HS6ST3: variants seen among roughly 807,000 people sequenced by gnomAD.
HS6ST3 encodes the protein heparan sulfate 6-O-sulfotransferase 3, also known as heparan-sulfate 6-O-sulfotransferase 3.
A neutral mutation model predicts 36.7 loss-of-function variants in HS6ST3; 12 were observed. The observed-to-expected ratio is 0.33, with a 90% CI of 0.21 to 0.53. The LOEUF (loss-of-function observed/expected upper bound fraction) is 0.53. HS6ST3 is among the 20% of genes least tolerant of loss of function. The probability of loss-of-function intolerance (pLI) is 0.95; values close to 1 mark genes in which losing one functional copy is unlikely to be tolerated. For missense variants in HS6ST3, 584 were observed against 640.9 expected, an observed-to-expected ratio of 0.91 and a Z score of 0.96; for synonymous variants, 240 against 257.5, an observed-to-expected ratio of 0.93 and a Z score of 0.65.
At chr13:96,246,599 C>G (rs766053425) in intron 1 of HS6ST3, among the ~76,000 whole-genome samples, 3 of 152,114 alleles carry the variant, frequency 2.0e-5, no homozygotes, top group Non-Finnish European at 2.9e-5. Context: ...AAATATTTGC[C>G]AGAGAAACTG....
In HS6ST3 at chr13:96,448,656, A is replaced by G. The variant is rs1031896073; in HGVS notation, c.707+357087A>G. Among the ~76,000 whole-genome samples the G allele has an allele frequency of 3.3e-5, 5 of 152,114 alleles. No individual in the cohort carries two copies. The East Asian group carries it at 5.8e-4, about 18-fold the overall frequency. On this transcript the variant is annotated intron_variant, in intron 1 of 1. Coordinates refer to ENST00000376705, the MANE Select transcript of HS6ST3 (RefSeq NM_153456.4). ...TTTTTTCCTTGTCTAATACCCCTGCAATTTCTCTTCCTCCTCATCCGCTTG... is the reference window on the plus strand; with the variant it reads ...TTTTTTCCTTGTCTAATACCCCTGCGATTTCTCTTCCTCCTCATCCGCTTG...
intron 1 of HS6ST3, among the ~76,000 whole-genome samples, chr13:96,093,831 A>G (rs1453502527): frequency 1.3e-5 from 2 of 152,192 alleles, no homozygotes; most frequent in Non-Finnish European, 2.9e-5. Context: ...ATGTCTGTGT[A>G]CAGCATTCTA....
intron 1 of HS6ST3, among the ~76,000 whole-genome samples, chr13:96,509,126 A>G (rs765786728): frequency 2.6e-5 from 4 of 152,008 alleles, no homozygotes; most frequent in South Asian, 4.1e-4. Context: ...GTTTTTTCAT[A>G]TCGTTATTGG....
At chr13:96,391,134 A>G (rs548383657) in intron 1 of HS6ST3, among the ~76,000 whole-genome samples, 4 of 152,254 alleles carry the variant, frequency 2.6e-5, no homozygotes, top group African/African-American at 7.2e-5. Flanking sequence ...TAGTCTGGCA[A>G]ATACCTTCAT....
Position 96,624,852 on chromosome 13 carries a change from A to G in HS6ST3, c.708-207638A>G, listed in dbSNP as rs78685524. Among the ~76,000 whole-genome samples the G allele has an allele frequency of 2.4e-3, 365 of 152,230 alleles. 3 individuals carry two copies. The East Asian group carries it at 0.038, about 16-fold the overall frequency. ...TATAACACAATTTTTGATTCATTCT[A>G]TTGTTAATTTTTTTTCCAATTTGGG... On this transcript the variant is annotated intron_variant, in intron 1 of 1. Coordinates refer to ENST00000376705, the MANE Select transcript of HS6ST3 (RefSeq NM_153456.4).
intron 1 of HS6ST3, among the ~76,000 whole-genome samples, chr13:96,542,823 T>G (rs1230863798): frequency 6.6e-6 from 1 of 152,158 alleles, no homozygotes; most frequent in African/African-American, 2.4e-5. Flanking sequence ...TCTGCCACTT[T>G]CAAGTTCTGC....
chr13:96,242,088 T>C (rs2139373098), intron 1 of HS6ST3, among the ~76,000 whole-genome samples: 1 of 151,990 alleles, frequency 6.6e-6, no homozygotes, highest in South Asian at 2.1e-4. Context: ...CCTGGCCTGA[T>C]GTAACATTTT....
intron 1 of HS6ST3, among the ~76,000 whole-genome samples, chr13:96,430,026 C>A (rs763148882): frequency 2.6e-5 from 4 of 152,200 alleles, no homozygotes; most frequent in Admixed American, 6.5e-5. Flanking sequence ...TGACGCTGAT[C>A]ACTATGCTTT....
intron 1 of HS6ST3, among the ~76,000 whole-genome samples, chr13:96,636,122 T>G (rs557182796): frequency 2.6e-5 from 4 of 152,144 alleles, no homozygotes; most frequent in Admixed American, 2.0e-4. Flanking sequence ...GCCATTTCTT[T>G]CATCTGGCTT....
intron 1 of HS6ST3, among the ~76,000 whole-genome samples, chr13:96,131,696 TC>T (rs1162094520): frequency 6.6e-6 from 1 of 151,632 alleles, no homozygotes; most frequent in African/African-American, 2.4e-5. Context: ...GATCAACATC[TC>T]CCTAGTCTCC....
chr13:96,418,312 C>T (rs1401422261), intron 1 of HS6ST3, among the ~76,000 whole-genome samples: 3 of 152,106 alleles, frequency 2.0e-5, no homozygotes, highest in South Asian at 2.1e-4. Context: ...TATGAATGAC[C>T]GCAAAAGTTC....
At chr13:96,795,133 G>A (rs1200977791) in intron 1 of HS6ST3, among the ~76,000 whole-genome samples, 4 of 151,854 alleles carry the variant, frequency 2.6e-5, no homozygotes, top group South Asian at 2.1e-4. Context: ...CAGCACAGCC[G>A]TTTTAATATC....
At chr13:96,541,903 C>T (rs975536204) in intron 1 of HS6ST3, among the ~76,000 whole-genome samples, 7 of 152,158 alleles carry the variant, frequency 4.6e-5, no homozygotes, top group Admixed American at 3.3e-4. Flanking sequence ...CCACAATTTA[C>T]CAGTTGCTTT....
chr13:96,472,206 C>A (rs1025045179), intron 1 of HS6ST3, among the ~76,000 whole-genome samples: 4 of 152,220 alleles, frequency 2.6e-5, no homozygotes, highest in Admixed American at 6.5e-5. Context: ...AGAACCCAAT[C>A]TACTAGAATC....
intron 1 of HS6ST3, among the ~76,000 whole-genome samples, chr13:96,410,859 G>A (rs1049256108): frequency 6.6e-6 from 1 of 151,944 alleles, no homozygotes; most frequent in Non-Finnish European, 1.5e-5. Flanking sequence ...GTTATGGAGG[G>A]TATATTTTCC....
chr13:96,630,006 C>G (rs1453355146), intron 1 of HS6ST3, among the ~76,000 whole-genome samples: 1 of 152,062 alleles, frequency 6.6e-6, no homozygotes, highest in Non-Finnish European at 1.5e-5. Context: ...AGTTCTTCAG[C>G]TCTGTTGAAT....
chr13:96,697,382 G>C (rs1566432244), intron 1 of HS6ST3, among the ~76,000 whole-genome samples: 1 of 151,878 alleles, frequency 6.6e-6, no homozygotes, highest in African/African-American at 2.4e-5. Flanking sequence ...CTAACATATG[G>C]CAAGTAAAAG....
intron 1 of HS6ST3, among the ~76,000 whole-genome samples, chr13:96,671,608 G>T (rs2056682965): frequency 6.6e-6 from 1 of 152,106 alleles, no homozygotes; most frequent in South Asian, 2.1e-4. Context: ...CCTTCTGAGG[G>T]CTGGGAGGAG....
chr13:96,493,480 T>C (rs2055957098), intron 1 of HS6ST3, among the ~76,000 whole-genome samples: 1 of 152,244 alleles, frequency 6.6e-6, no homozygotes, highest in Non-Finnish European at 1.5e-5. Context: ...ATTCATTTTT[T>C]ACAGCCATTC....
Sources: gnomAD v4.1 joint callset for allele counts (sites outside exome capture counted in the v4.1 genomes callset) on GRCh38, gnomAD v4.1.1 for gene constraint, MANE v1.5 for transcripts, NCBI Gene and HGNC (gene_info 2026-07-23, HGNC 2026-07-21) for gene names.